Variants in MGAT4C observed in about 807,000 individuals in gnomAD.
MGAT4C encodes MGAT4 family member C, also known as alpha-1,3-mannosyl-glycoprotein 4-beta-N-acetylglucosaminyltransferase C.
Under a neutral mutation model 40.1 loss-of-function variants are expected in MGAT4C, and 19 were observed. That is an observed-to-expected ratio of 0.47 (90% confidence interval 0.33 to 0.70). MGAT4C has a LOEUF of 0.70. MGAT4C is among the 30% of genes least tolerant of loss of function. MGAT4C has a pLI of 0.02. For missense variants in MGAT4C, 491 were observed against 563.2 expected, an observed-to-expected ratio of 0.87 and a Z score of 1.30; for synonymous variants, 181 against 187.1, an observed-to-expected ratio of 0.97 and a Z score of 0.27.
intron 2 of MGAT4C, among the ~76,000 whole-genome samples, chr12:86,574,169 T>C (rs1175977268): frequency 6.6e-6 from 1 of 151,804 alleles, no homozygotes; most frequent in African/African-American, 2.4e-5. Flanking sequence ...TATGGATATC[T>C]ATGCATTAGG....
At chr12:86,490,919 C>T (rs1279779524) in intron 2 of MGAT4C, among the ~76,000 whole-genome samples, 2 of 152,106 alleles carry the variant, frequency 1.3e-5, no homozygotes, top group Non-Finnish European at 2.9e-5. Context: ...AAAGCAAGTC[C>T]TGAGTGACCT....
At chr12:86,610,561 GTTT>G (rs62949460) in intron 2 of MGAT4C, among the ~76,000 whole-genome samples, 1 of 149,668 alleles carries the variant, frequency 6.7e-6, no homozygotes, top group Admixed American at 6.6e-5. Flanking sequence ...TTTGTTTTTT[GTTT>G]TTTTTTCATT....
chr12:86,663,647 C>T (rs577980146), intron 2 of MGAT4C, among the ~76,000 whole-genome samples: 128 of 152,132 alleles, frequency 8.4e-4, no homozygotes, highest in African/African-American at 3.0e-3. Context: ...CCATAGAAAA[C>T]TCAGGAACAG....
intron 1 of MGAT4C, among the ~76,000 whole-genome samples, chr12:86,068,870 G>C (rs983396635): frequency 1.3e-5 from 2 of 152,114 alleles, no homozygotes; most frequent in South Asian, 4.1e-4. Context: ...TCTTCTCTTT[G>C]TTGCAATCTT....
At chr12:86,060,198 T>C (rs1451072689) in intron 1 of MGAT4C, among the ~76,000 whole-genome samples, 9 of 152,182 alleles carry the variant, frequency 5.9e-5, no homozygotes. Context: ...GGCCCCTAGG[T>C]AGACTGACCT....
intron 2 of MGAT4C, among the ~76,000 whole-genome samples, chr12:86,716,198 T>C (rs1950642878): frequency 6.6e-6 from 1 of 152,250 alleles, no homozygotes; most frequent in African/African-American, 2.4e-5. Flanking sequence ...AGGAGGTACA[T>C]ATAAACATTA....
intron 4 of MGAT4C, among the ~76,000 whole-genome samples, chr12:86,265,714 A>G (rs1952767995): frequency 6.6e-6 from 1 of 152,168 alleles, no homozygotes; most frequent in Non-Finnish European, 1.5e-5. Context: ...ATTTTGATAT[A>G]GATTTCAATG....
chr12:86,121,624 G>T (rs767732924), intron 1 of MGAT4C, among the ~76,000 whole-genome samples: 4 of 152,138 alleles, frequency 2.6e-5, no homozygotes, highest in Non-Finnish European at 5.9e-5. Flanking sequence ...TTTCAACCCA[G>T]AATTTCATAT....
At chr12:86,157,859 C>T (rs540658904) in intron 1 of MGAT4C, among the ~76,000 whole-genome samples, 60 of 152,094 alleles carry the variant, frequency 3.9e-4, no homozygotes, top group Non-Finnish European at 7.8e-4. Flanking sequence ...CAGGCTCCTC[C>T]TCCGACATGT....
At chr12:86,550,407 G>A (rs1959292338) in intron 2 of MGAT4C, among the ~76,000 whole-genome samples, 1 of 152,118 alleles carries the variant, frequency 6.6e-6, no homozygotes, top group Non-Finnish European at 1.5e-5. Flanking sequence ...TAGCTGCTGG[G>A]AATTCACACA....
intron 2 of MGAT4C, among the ~76,000 whole-genome samples, chr12:86,040,969 G>A (rs532099604): frequency 4.3e-4 from 66 of 152,196 alleles, no homozygotes; most frequent in Middle Eastern, 3.4e-3. Flanking sequence ...CAGGTGAGGC[G>A]ACGCCCCACC....
chr12:86,339,095 A>G (rs1215501419), intron 3 of MGAT4C, among the ~76,000 whole-genome samples: 1 of 152,012 alleles, frequency 6.6e-6, no homozygotes, highest in Admixed American at 6.6e-5. Flanking sequence ...AACCCTATGA[A>G]GTTGGTATTA....
chr12:86,537,331 C>G (rs185739916), intron 2 of MGAT4C, among the ~76,000 whole-genome samples: 1 of 151,840 alleles, frequency 6.6e-6, no homozygotes, highest in African/African-American at 2.4e-5. Context: ...TGTAACAAAC[C>G]TGCACGTTGT....
At chr12:86,640,518 G>A (rs1047112841) in intron 2 of MGAT4C, among the ~76,000 whole-genome samples, 4 of 151,786 alleles carry the variant, frequency 2.6e-5, no homozygotes, top group African/African-American at 4.8e-5. Flanking sequence ...TCTTGCTAGT[G>A]GTCTATCAAT....
intron 1 of MGAT4C, among the ~76,000 whole-genome samples, chr12:86,165,323 A>C (rs9943838): frequency 0.27 from 40,392 of 152,024 alleles, 6,255 homozygotes; most frequent in Admixed American, 0.38. Flanking sequence ...AACATTCCAC[A>C]CACACATAAA....
intron 2 of MGAT4C, among the ~76,000 whole-genome samples, chr12:86,040,394 A>G (rs1474995903): frequency 6.6e-6 from 1 of 152,156 alleles, no homozygotes; most frequent in Non-Finnish European, 1.5e-5. Context: ...TAAGTCCCTG[A>G]CTGGGGCTGC....
At chr12:86,138,849 CTTTCCTTA>C (rs1412880111) in intron 1 of MGAT4C, among the ~76,000 whole-genome samples, 5 of 151,930 alleles carry the variant, frequency 3.3e-5, no homozygotes, top group Non-Finnish European at 7.4e-5. Context: ...AAGAGAGGAA[CTTTCCTTA>C]TAAATTAGCA....
intron 2 of MGAT4C, among the ~76,000 whole-genome samples, chr12:86,655,571 T>A (rs763001235): frequency 2.0e-5 from 3 of 152,206 alleles, no homozygotes; most frequent in South Asian, 2.1e-4. Context: ...TGAAAAAAAA[T>A]TTTATTTGTC....
intron 1 of MGAT4C, among the ~76,000 whole-genome samples, chr12:86,100,503 A>G (rs1874775464): frequency 6.6e-6 from 1 of 151,336 alleles, no homozygotes; most frequent in South Asian, 2.1e-4. Context: ...GCCTGCCCCC[A>G]ATGCCCACCA....
Sources: allele counts gnomAD v4.1 joint callset (sites outside exome capture counted in the v4.1 genomes callset), GRCh38; gene constraint gnomAD v4.1.1; transcripts MANE v1.5; gene names NCBI Gene and HGNC (gene_info 2026-07-23, HGNC 2026-07-21).